The following TUSC3 variants were observed in gnomAD, a reference collection of about 807,000 sequenced individuals.
TUSC3 encodes the protein tumor suppressor candidate 3, also known as dolichyl-diphosphooligosaccharide--protein glycosyltransferase subunit TUSC3.
In TUSC3, 45 loss-of-function variants were observed where a neutral mutation model predicts 44.8. The observed-to-expected ratio is 1.00, with a 90% CI of 0.79 to 1.29. TUSC3 has a LOEUF of 1.29. Ranked by LOEUF, TUSC3 falls within the 50% of genes most tolerant of loss-of-function variation. The pLI is 0.00. For synonymous variants in TUSC3, 212 were observed against 152.9 expected, an observed-to-expected ratio of 1.39 and a Z score of -2.85; for missense variants, 519 against 437.9, an observed-to-expected ratio of 1.19 and a Z score of -1.65.
chr8:15,434,736 C>T (rs1244229190), intron 1 of TUSC3, among the ~76,000 whole-genome samples: 4 of 151,528 alleles, frequency 2.6e-5, no homozygotes, highest in African/African-American at 4.9e-5. Flanking sequence ...CTTGCTGTGT[C>T]CGTGTGTTCT....
At chr8:15,543,759 G>A (rs1801768961) in intron 1 of TUSC3, among the ~76,000 whole-genome samples, 1 of 147,852 alleles carries the variant, frequency 6.8e-6, no homozygotes. Context: ...TTTTGCTAAA[G>A]AAACTAACTT....
the TUSC3 span, among the ~76,000 whole-genome samples, chr8:15,825,838 C>G: frequency 6.9e-6 from 1 of 145,536 alleles, no homozygotes; most frequent in Non-Finnish European, 1.5e-5. Flanking sequence ...TATGGTAATT[C>G]TGGTGAAATA....
intron 9 of TUSC3, among the ~76,000 whole-genome samples, chr8:15,754,596 A>T (rs892146373): frequency 8.5e-5 from 13 of 152,060 alleles, no homozygotes; most frequent in African/African-American, 3.1e-4. Flanking sequence ...TCCTTTTCTT[A>T]AGAAAAGCAC....
intron 10 of TUSC3, among the ~76,000 whole-genome samples, chr8:15,761,893 C>T (rs1043013020): frequency 6.6e-6 from 1 of 151,962 alleles, no homozygotes; most frequent in Non-Finnish European, 1.5e-5. Flanking sequence ...AACTATTATA[C>T]TGTTAGATTA....
Position 15,508,063 on chromosome 8 carries a change from GA to G in TUSC3, n.189+24583del, listed in dbSNP as rs1307685779. 2.6e-5 allele frequency among the ~76,000 whole-genome samples: 4 copies of G among 152,140 alleles called. No individual in the cohort carries two copies. In the East Asian group the frequency reaches 5.8e-4, roughly 22 times the overall value. On this transcript the variant is annotated intron_variant and non_coding_transcript_variant, in intron 2 of 5. Transcript: ENST00000503191. ...TCACGGCCAGCCTGGTCAACATGGG[GA>G]AACCCGTCTCTACTAAAAATACAAA...
intron 6 of TUSC3, among the ~76,000 whole-genome samples, chr8:15,695,873 G>A (rs1017459735): frequency 6.6e-6 from 1 of 152,172 alleles, no homozygotes; most frequent in Non-Finnish European, 1.5e-5. Flanking sequence ...TTTAGGGTAT[G>A]TGGTGGAAGA....
intron 6 of TUSC3, among the ~76,000 whole-genome samples, chr8:15,679,927 G>A (rs915786419): frequency 6.6e-6 from 1 of 151,970 alleles, no homozygotes; most frequent in East Asian, 1.9e-4. Flanking sequence ...GTCGTCTATT[G>A]TGTTCCATTG....
At chr8:15,622,976 A>G (rs1805319727) in intron 1 of TUSC3, 104 bp from the exon 2 acceptor site, 3 of 1,134,012 alleles carry the variant, frequency 2.6e-6, no homozygotes, top group South Asian at 2.9e-5. Flanking sequence ...ATAAACTTGG[A>G]TATCATTAGG....
chr8:15,472,968 C>G (rs754929943), intron 1 of TUSC3, among the ~76,000 whole-genome samples: 1 of 152,120 alleles, frequency 6.6e-6, no homozygotes, highest in Non-Finnish European at 1.5e-5. Context: ...GTTATGCACC[C>G]TGCCTAAAGT....
the TUSC3 span, among the ~76,000 whole-genome samples, chr8:15,804,105 G>A: frequency 1.4e-3 from 215 of 152,184 alleles, 1 homozygote; most frequent in South Asian, 2.9e-3. Flanking sequence ...TCTGGTTCTA[G>A]ATCCTTCAGG....
intron 9 of TUSC3, among the ~76,000 whole-genome samples, chr8:15,757,253 A>G (rs116439867): frequency 1.9e-3 from 284 of 152,314 alleles, no homozygotes; most frequent in African/African-American, 6.5e-3. Context: ...AGTGGCTTCC[A>G]TTGTCTTAAA....
chr8:15,743,573 G>A lies in TUSC3; in HGVS notation c.898G>A (p.Glu300Lys), dbSNP rs1198217922. The change falls in exon 8 of 11, where the codon GAA (glutamate) becomes AAA (lysine). Residue 300 changes from glutamate to lysine, a missense_variant. Coordinates refer to ENST00000503731, the MANE Select transcript of TUSC3 (RefSeq NM_006765.4). ...CACCATGGGGATGGTTCTTCTAAAT[G>A]AAGCAGCAACTTCGAAAGGCGATGT... is the stretch of plus-strand genomic sequence containing the variant. ...AITMGMVLLN[E>K]AATSKGDVGK... 1.2e-6 allele frequency: 2 copies of A among 1,613,814 alleles called. No homozygotes were observed. Among genetic ancestry groups the A allele is most frequent in the African/African-American group, 1.3e-5 (1 of 74,916 alleles).
chr8:15,550,873 T>C lies in TUSC3; in HGVS notation c.138+10305T>C, dbSNP rs547287525. The stretch of plus-strand genomic sequence containing the variant: ...TTTTAGTAGAGACGGGGTTTCATCA[T>C]GTTCGCCATGCTGGCCTTAAATTCC... On this transcript the variant is annotated intron_variant, in intron 1 of 10. Coordinates refer to ENST00000503731, the MANE Select transcript of TUSC3 (RefSeq NM_006765.4). Among the ~76,000 whole-genome samples, 24 of 151,838 alleles carry C rather than the reference T, an allele frequency of 1.6e-4. No individual in the cohort carries two copies. The South Asian group carries it at 5.0e-3, about 32-fold the overall frequency.
intron 6 of TUSC3, among the ~76,000 whole-genome samples, chr8:15,696,898 T>G (rs1202914314): frequency 6.6e-6 from 1 of 152,174 alleles, no homozygotes; most frequent in Non-Finnish European, 1.5e-5. Flanking sequence ...TCTGGTAGAA[T>G]TCTGCTGTGA....
chr8:15,675,318 T>A (rs1808137056), intron 6 of TUSC3, among the ~76,000 whole-genome samples: 1 of 152,278 alleles, frequency 6.6e-6, no homozygotes, highest in Admixed American at 6.5e-5. Flanking sequence ...GTATAAAACA[T>A]ATTAAGGCAT....
chr8:15,753,970 AAAG>A (rs1158309026), intron 9 of TUSC3, among the ~76,000 whole-genome samples: 2 of 152,128 alleles, frequency 1.3e-5, no homozygotes, highest in African/African-American at 2.4e-5. Context: ...AGATACTGAT[AAAG>A]AAGAGAAAGA....
At chr8:15,616,718 G>T (rs1444521945) in intron 1 of TUSC3, among the ~76,000 whole-genome samples, 1 of 152,160 alleles carries the variant, frequency 6.6e-6, no homozygotes, top group Admixed American at 6.5e-5. Context: ...AGTCCTTGGG[G>T]GCTCTGACCT....
intron 1 of TUSC3, among the ~76,000 whole-genome samples, chr8:15,451,510 A>G (rs888184355): frequency 6.6e-6 from 1 of 152,194 alleles, no homozygotes; most frequent in Admixed American, 6.5e-5. Flanking sequence ...GAGACTCTGC[A>G]GGTTGCTTAA....
At chr8:15,478,648 A>G (rs1341037180) in intron 1 of TUSC3, among the ~76,000 whole-genome samples, 2 of 152,108 alleles carry the variant, frequency 1.3e-5, no homozygotes, top group African/African-American at 2.4e-5. Flanking sequence ...TGATATATAT[A>G]TCCCTACCAC....
Sources: gnomAD v4.1 joint callset for allele counts (sites outside exome capture counted in the v4.1 genomes callset) on GRCh38, gnomAD v4.1.1 for gene constraint, MANE v1.5 for transcripts, NCBI Gene and HGNC (gene_info 2026-07-23, HGNC 2026-07-21) for gene names.